The following DSCAM variants were observed in gnomAD, a reference collection of about 807,000 sequenced individuals.
DSCAM encodes the protein cell adhesion molecule DSCAM.
Under a neutral mutation model 217.7 loss-of-function variants are expected in DSCAM, and 47 were observed. That is an observed-to-expected ratio of 0.22 (90% CI 0.17 to 0.28). The LOEUF (loss-of-function observed/expected upper bound fraction) is 0.28. Among genes scored for constraint, DSCAM ranks in the 10% least tolerant of loss-of-function variants. The probability of loss-of-function intolerance (pLI) is 1.00; values close to 1 mark genes in which losing one functional copy is unlikely to be tolerated. For synonymous variants in DSCAM, 1,056 were observed against 1,015.3 expected, an observed-to-expected ratio of 1.04 and a Z score of -0.76; for missense variants, 2,080 against 2,618.3, an observed-to-expected ratio of 0.79 and a Z score of 4.49.
At position 40,013,202 on chromosome 21, in the gene DSCAM, C is replaced by T. The variant is rs776580525; in HGVS notation, c.5871G>A (p.Thr1957=). 6.2e-6 allele frequency: 10 copies of T among 1,613,684 alleles called. No homozygotes were observed. In the Admixed American group the frequency reaches 8.3e-5, roughly 13 times the overall value. Residue 1957 remains threonine (T), a synonymous_variant, in exon 33 of 33, where the codon ACG becomes ACA. Coordinates refer to ENST00000400454, the MANE Select transcript of DSCAM (RefSeq NM_001389.5). The stretch of plus-strand genomic sequence containing the variant: ...CCGGCTGCCACGACTGTCCTTCTCT[C>T]GTGGAGGAGGCGGAGGAGGCGGCTT... ...PMEAASSASS[T]REGQSWQPGA... is the part of the protein sequence containing the mutation.
intron 3 of DSCAM, chr21:40,630,738 C>A (rs2089680772): frequency 4.6e-5 from 7 of 152,244 alleles, no homozygotes; most frequent in Admixed American, 4.6e-4. Flanking sequence ...AGGAAAAGTG[C>A]ATGTAGACCC....
chr21:40,360,376 C>T (rs13048767), intron 4 of DSCAM, among the ~76,000 whole-genome samples: 17,851 of 151,782 alleles, frequency 0.12, 1,411 homozygotes, highest in Non-Finnish European at 0.18. Flanking sequence ...CCTTGTGATC[C>T]GCCCATCTAG....
In DSCAM at chr21:40,308,335, G is replaced by C. The variant is rs371075022; in HGVS notation, c.2062+3746C>G. ...CTGGTCTAGAGTAACCCTTATGCTG[G>C]GGATAGATTAGTCCTACTCCTAGGG... On this transcript the variant is annotated intron_variant, in intron 9 of 32. Transcript: ENST00000400454. Among the ~76,000 whole-genome samples the C allele has an allele frequency of 5.3e-5, 8 of 152,188 alleles. No homozygotes were observed. The East Asian group carries it at 1.4e-3, about 26-fold the overall frequency.
rs780067485 is a variant in DSCAM at position 40,178,966 on chromosome 21, C to T, written c.2908G>A (p.Glu970Lys). The T allele has an allele frequency of 3.1e-6, 5 of 1,613,878 alleles. No homozygotes were observed. Among genetic ancestry groups the T allele is most frequent in the South Asian group, 2.2e-5 (2 of 91,070 alleles). Residue 970 changes from glutamate to lysine, a missense_variant, in exon 15 of 33, where the codon GAG becomes AAG. Glu to Lys is a moderately conservative substitution (Grantham distance 56). Coordinates refer to ENST00000400454, the MANE Select transcript of DSCAM (RefSeq NM_001389.5). ...GTGATGGTGAGCTCGTTGCTGGGCT[C>T]GCTCTTGCCAATCCGGTTCTTGGCG... is the stretch of plus-strand genomic sequence containing the variant. ...MYAKNRIGKS[E>K]PSNELTITAD...
At chr21:40,825,711 AT>A (rs568220596) in intron 1 of DSCAM, among the ~76,000 whole-genome samples, 143 of 150,946 alleles carry the variant, frequency 9.5e-4, no homozygotes, top group East Asian at 3.9e-3. Context: ...GTCAACAAAG[AT>A]TTTTTTTTTA....
intron 1 of DSCAM, among the ~76,000 whole-genome samples, chr21:40,842,014 G>A (rs936197181): frequency 2.6e-5 from 4 of 152,208 alleles, no homozygotes; most frequent in African/African-American, 9.6e-5. Context: ...AGATCGTGGG[G>A]GAGGCGTCTT....
chr21:40,365,476 C>T (rs2074821585), intron 4 of DSCAM, among the ~76,000 whole-genome samples: 2 of 152,158 alleles, frequency 1.3e-5, no homozygotes, highest in South Asian at 4.1e-4. Context: ...TTTCTTTCTC[C>T]TCAGCTTGCA....
rs147728700 is a variant in DSCAM, at chr21:40,736,538, C to T, written c.44-27767G>A. ...TCCACAGGGTTGATTTCTTCTGAGG[C>T]TTCCCCAATTGTGACCAACCCTGTC... On this transcript the variant is annotated intron_variant, in intron 1 of 32. Transcript: ENST00000400454. Among the ~76,000 whole-genome samples the T allele has an allele frequency of 6.4e-3, 978 of 152,316 alleles. 12 individuals are homozygous for T. The highest frequency in any genetic ancestry group is 0.023 in the South Asian group (112 of 4,826).
At chr21:40,493,451 G>A (rs1261409635) in intron 3 of DSCAM, among the ~76,000 whole-genome samples, 17 of 152,152 alleles carry the variant, frequency 1.1e-4, no homozygotes, top group Admixed American at 7.2e-4. Context: ...ATGGTAGTAT[G>A]TAAATTGCTT....
At chr21:40,754,765 C>A (rs560480277) in intron 1 of DSCAM, among the ~76,000 whole-genome samples, 2 of 152,326 alleles carry the variant, frequency 1.3e-5, no homozygotes, top group African/African-American at 2.4e-5. Flanking sequence ...AACACCACCG[C>A]TCATTTTTGT....
At chr21:40,156,056 TATATA>T (rs66505622) in intron 16 of DSCAM, among the ~76,000 whole-genome samples, 54,787 of 148,798 alleles carry the variant, frequency 0.37, 10,391 homozygotes, top group Middle Eastern at 0.53. Flanking sequence ...TCCCACCCTA[TATATA>T]ATATAATTTA....
At position 40,075,220 on chromosome 21, in the gene DSCAM, G is replaced by C; in HGVS notation, c.4712-7C>G. The C allele has an allele frequency of 1.2e-6, 2 of 1,614,174 alleles. No individual in the cohort carries two copies. Among genetic ancestry groups the C allele is most frequent in the Non-Finnish European group, 1.7e-6 (2 of 1,179,994 alleles). ...ATGAGTGGAGGAATTGTACCTGAAAGCAGGGCCACGGTGTTAGATGGCTAT... is the reference window on the plus strand; with the variant it reads ...ATGAGTGGAGGAATTGTACCTGAAACCAGGGCCACGGTGTTAGATGGCTAT... On this transcript the variant is annotated splice_region_variant and splice_polypyrimidine_tract_variant and intron_variant, in intron 26 of 32. Coordinates refer to ENST00000400454, the MANE Select transcript of DSCAM (RefSeq NM_001389.5).
At chr21:40,525,572 A>T (rs115972074) in intron 3 of DSCAM, among the ~76,000 whole-genome samples, 359 of 152,354 alleles carry the variant, frequency 2.4e-3, no homozygotes, top group African/African-American at 8.1e-3. Context: ...TGATTTGCTA[A>T]GATATTAAAA....
intron 27 of DSCAM, among the ~76,000 whole-genome samples, chr21:40,074,243 C>T (rs2089333280): frequency 6.6e-6 from 1 of 152,154 alleles, no homozygotes; most frequent in African/African-American, 2.4e-5. Context: ...AGCAGTATCC[C>T]ACACTGCACT....
At chr21:40,202,731 T>G (rs543315050) in intron 11 of DSCAM, among the ~76,000 whole-genome samples, 2 of 152,356 alleles carry the variant, frequency 1.3e-5, no homozygotes, top group Admixed American at 6.5e-5. Flanking sequence ...CACCTTTTCC[T>G]TGAAACCACT....
At chr21:40,411,187 C>A (rs1441269271) in intron 3 of DSCAM, among the ~76,000 whole-genome samples, 1 of 146,640 alleles carries the variant, frequency 6.8e-6, no homozygotes, top group Non-Finnish European at 1.5e-5. Flanking sequence ...CACACACACA[C>A]ACACACACAC....
chr21:40,256,656 G>A (rs58517251), intron 11 of DSCAM, among the ~76,000 whole-genome samples: 14,302 of 152,118 alleles, frequency 0.094, 1,560 homozygotes, highest in African/African-American at 0.25. Flanking sequence ...TTTAATTGAT[G>A]AAGCCCACCC....
chr21:40,530,350 G>A (rs2076433753), intron 3 of DSCAM, among the ~76,000 whole-genome samples: 1 of 152,172 alleles, frequency 6.6e-6, no homozygotes, highest in Non-Finnish European at 1.5e-5. Context: ...GTTAAAAAAA[G>A]TTTTTAAATA....
intron 11 of DSCAM, among the ~76,000 whole-genome samples, chr21:40,272,573 T>C (rs376788798): frequency 1.1e-3 from 164 of 152,280 alleles, no homozygotes; most frequent in African/African-American, 3.9e-3. Flanking sequence ...ATTTCCCATA[T>C]AGGAGAAACC....
Sources: allele counts gnomAD v4.1 joint callset (sites outside exome capture counted in the v4.1 genomes callset), GRCh38; gene constraint gnomAD v4.1.1; transcripts MANE v1.5; gene names NCBI Gene and HGNC (gene_info 2026-07-23, HGNC 2026-07-21).